CCNJL: variants seen among roughly 807,000 people sequenced by gnomAD.
The protein encoded by CCNJL is cyclin J like, also known as cyclin-J-like protein.
In CCNJL, 33 loss-of-function variants were observed where a neutral mutation model predicts 33.4. The observed-to-expected ratio is 0.99, with a 90% CI of 0.75 to 1.32. The LOEUF is 1.32. CCNJL is among the 40% of genes most tolerant of loss of function. The probability of loss-of-function intolerance (pLI) is 0.00; values close to 1 mark genes in which losing one functional copy is unlikely to be tolerated. For missense variants in CCNJL, 512 were observed against 499.7 expected (o/e 1.02, Z -0.23); for synonymous variants, 227 against 220.9 (o/e 1.03, Z -0.24).
chr5:160,310,630 G>A (rs13177041), intron 2 of CCNJL, among the ~76,000 whole-genome samples: 24,905 of 152,032 alleles, frequency 0.16, 2,194 homozygotes, highest in Non-Finnish European at 0.19. Context: ...TGTTAATCTG[G>A]AACTTCAGAA....
At chr5:160,329,970 C>A (rs1763585985) in intron 1 of CCNJL, among the ~76,000 whole-genome samples, 1 of 152,162 alleles carries the variant, frequency 6.6e-6, no homozygotes, top group Non-Finnish European at 1.5e-5. Flanking sequence ...AGACCCCCAC[C>A]CCTGCCTCTT....
At chr5:160,327,634 TG>T in intron 1 of CCNJL, among the ~76,000 whole-genome samples, 1 of 152,316 alleles carries the variant, frequency 6.6e-6, no homozygotes, top group African/African-American at 2.4e-5. Flanking sequence ...ATAGAGGATA[TG>T]GCCCCCGTCC....
intron 4 of CCNJL, among the ~76,000 whole-genome samples, chr5:160,257,106 C>T (rs903420367): frequency 1.3e-5 from 2 of 152,002 alleles, no homozygotes; most frequent in Non-Finnish European, 2.9e-5. Context: ...ATGAGCAGGG[C>T]ATGGTAGCTC....
At chr5:160,338,733 G>C (rs954276595) in intron 1 of CCNJL, among the ~76,000 whole-genome samples, 1 of 152,124 alleles carries the variant, frequency 6.6e-6, no homozygotes, top group Non-Finnish European at 1.5e-5. Flanking sequence ...TTACCATAGG[G>C]CCTGGCACAT....
At position 160,253,139 on chromosome 5, in the gene CCNJL, C is replaced by T. The variant is rs1479628133; in HGVS notation, c.*239G>A. 2.4e-6 allele frequency: 1 copy of T among 412,562 alleles called. No homozygotes were observed. The highest frequency in any genetic ancestry group is 4.3e-6 in the Non-Finnish European group (1 of 233,940). 25.6% of individuals were successfully genotyped at this position (412,562 alleles called of 1,614,324 possible). ...CCTGTGTGGGGGGACGGCCACCAAG[C>T]CATCCTTTTGTACCCTAGCCACACG... On this transcript the variant is annotated 3_prime_UTR_variant, in exon 6 of 6. Coordinates refer to ENST00000257536, the MANE Select transcript of CCNJL (RefSeq NM_001308173.3).
rs570988940 is a variant in CCNJL, at chr5:160,259,348, G to C, written c.583+121C>G. The C allele has an allele frequency of 3.0e-5, 24 of 797,554 alleles. No individual in the cohort carries two copies. The South Asian group carries it at 3.6e-4, about 12-fold the overall frequency. The allele number at this position is 797,554 out of a possible 1,614,324, so 49.4% of individuals were successfully genotyped here. ...GCCTGCAAAGTTAAGAGTGATCTGGGTGCACAGGCCCCAGTGAGAAGGCCT... is the reference window on the plus strand; with the variant it reads ...GCCTGCAAAGTTAAGAGTGATCTGGCTGCACAGGCCCCAGTGAGAAGGCCT... On this transcript the variant is annotated intron_variant, in intron 4 of 5. Transcript: ENST00000257536.
At chr5:160,266,001 T>C (rs770046798) in intron 3 of CCNJL, among the ~76,000 whole-genome samples, 22 of 152,238 alleles carry the variant, frequency 1.4e-4, no homozygotes, top group Non-Finnish European at 2.5e-4. Flanking sequence ...TTATCAGAAG[T>C]TGAGATCCCA....
intron 3 of CCNJL, among the ~76,000 whole-genome samples, chr5:160,260,647 G>A (rs546776336): frequency 1.4e-4 from 22 of 152,252 alleles, no homozygotes; most frequent in Admixed American, 2.6e-4. Context: ...CTTCCACTGC[G>A]TGAGGCTCTG....
intron 2 of CCNJL, among the ~76,000 whole-genome samples, chr5:160,292,376 C>T (rs1042144527): frequency 1.3e-4 from 20 of 152,234 alleles, no homozygotes; most frequent in African/African-American, 4.8e-4. Context: ...AATTCCAGCA[C>T]TTTGGGAGAT....
chr5:160,290,034 C>A lies in CCNJL; in HGVS notation c.67-9296G>T, dbSNP rs188472707. ...TCAGCATGTGCTCTTCACACACAGG[C>A]TTTGAAAGCATTTTGAGGCTAACCT... is the stretch of plus-strand genomic sequence containing the variant. On this transcript the variant is annotated intron_variant, in intron 2 of 5. Coordinates refer to ENST00000257536, the MANE Select transcript of CCNJL (RefSeq NM_001308173.3). 1.8e-3 allele frequency among the ~76,000 whole-genome samples: 275 copies of A among 152,282 alleles called. 2 individuals are homozygous for A. The highest frequency in any genetic ancestry group is 6.3e-3 in the African/African-American group (263 of 41,554).
intron 2 of CCNJL, among the ~76,000 whole-genome samples, chr5:160,286,527 A>G (rs895947155): frequency 1.3e-5 from 2 of 152,164 alleles, no homozygotes; most frequent in Non-Finnish European, 2.9e-5. Context: ...GGTCCCAGTT[A>G]CACGGGAGGC....
At chr5:160,281,466 T>A (rs1762210885) in intron 2 of CCNJL, 2 of 153,064 alleles carry the variant, frequency 1.3e-5, no homozygotes, top group South Asian at 2.1e-4. Flanking sequence ...GGTGACTAGA[T>A]GACTTTTACT....
At chr5:160,282,357 C>T (rs1762242687) in intron 2 of CCNJL, among the ~76,000 whole-genome samples, 1 of 152,034 alleles carries the variant, frequency 6.6e-6, no homozygotes. Context: ...CTATAAAACT[C>T]TTAGAAGAAA....
intron 1 of CCNJL, among the ~76,000 whole-genome samples, chr5:160,322,483 G>A (rs1244432679): frequency 6.6e-6 from 1 of 152,210 alleles, no homozygotes; most frequent in African/African-American, 2.4e-5. Context: ...GGTATATAAA[G>A]GGTGTTGAAT....
At position 160,287,945 on chromosome 5, in the gene CCNJL, C is replaced by G. The variant is rs1762462754; in HGVS notation, c.67-7207G>C. 2.0e-5 allele frequency among the ~76,000 whole-genome samples: 3 copies of G among 152,120 alleles called. No individual in the cohort carries two copies. The South Asian group carries it at 6.2e-4, about 32-fold the overall frequency. ...GAAGGGCAGAGGCTTCCTGATCACT[C>G]TCCCTCCCCAGCTGTTGGCCCTTGA... On this transcript the variant is annotated intron_variant, in intron 2 of 5. Coordinates refer to ENST00000257536, the MANE Select transcript of CCNJL (RefSeq NM_001308173.3).
Position 160,311,856 on chromosome 5 carries a change from AC to A in CCNJL, c.66+1del. 6.2e-7 allele frequency: 1 copy of A among 1,613,270 alleles called. No homozygotes were observed. The highest frequency in any genetic ancestry group is 8.5e-7 in the Non-Finnish European group (1 of 1,179,216). Reference sequence around the variant, plus strand: ...GAGTGACAAGGGCAGGGAGGGACTGACCTTCTCGCGCAGGGTGCAGTGGACG... The same window carrying A: ...GAGTGACAAGGGCAGGGAGGGACTGACTTCTCGCGCAGGGTGCAGTGGACG... On this transcript the variant is annotated splice_donor_variant, in intron 2 of 5. Transcript: ENST00000257536. LOFTEE classifies it high-confidence loss of function.
At chr5:160,330,521 C>T (rs1478885005) in intron 1 of CCNJL, among the ~76,000 whole-genome samples, 3 of 152,164 alleles carry the variant, frequency 2.0e-5, no homozygotes, top group African/African-American at 7.2e-5. Context: ...CCATTCTCTT[C>T]TCCATCATTG....
chr5:160,289,028 C>T (rs1222893931), intron 2 of CCNJL, among the ~76,000 whole-genome samples: 1 of 152,134 alleles, frequency 6.6e-6, no homozygotes, highest in African/African-American at 2.4e-5. Flanking sequence ...GCAATGGCTG[C>T]CTAGTTTTCC....
intron 1 of CCNJL, among the ~76,000 whole-genome samples, chr5:160,332,326 T>C (rs1217805994): frequency 1.3e-5 from 2 of 152,188 alleles, no homozygotes; most frequent in Non-Finnish European, 2.9e-5. Flanking sequence ...AACTCTCCAC[T>C]GGATAGTGGC....
Sources: gnomAD v4.1 joint callset for allele counts (sites outside exome capture counted in the v4.1 genomes callset) on GRCh38, gnomAD v4.1.1 for gene constraint, MANE v1.5 for transcripts, NCBI Gene and HGNC (gene_info 2026-07-23, HGNC 2026-07-21) for gene names.